Variants in SH3D19 observed in about 807,000 individuals in gnomAD.
The protein encoded by SH3D19 is SH3 domain containing 19, also known as SH3 domain-containing protein 19.
A neutral mutation model predicts 112.1 loss-of-function variants in SH3D19; 58 were observed. That is an observed-to-expected ratio of 0.52 (90% CI 0.42 to 0.64). SH3D19 has a LOEUF of 0.64. Among genes scored for constraint, SH3D19 ranks in the 30% least tolerant of loss-of-function variants. The pLI, the probability that SH3D19 is intolerant of heterozygous loss-of-function variation, is 0.00. For synonymous variants in SH3D19, 391 were observed against 448.5 expected (o/e 0.87, Z 1.62); for missense variants, 1,090 against 1,263.4 (o/e 0.86, Z 2.08).
At chr4:151,223,373 T>C (rs756272027) in intron 2 of SH3D19, among the ~76,000 whole-genome samples, 14 of 152,212 alleles carry the variant, frequency 9.2e-5, no homozygotes, top group Non-Finnish European at 1.8e-4. Flanking sequence ...TCATTTTTTT[T>C]GGATACTCAA....
intron 1 of SH3D19, among the ~76,000 whole-genome samples, chr4:151,319,269 C>T (rs1330535722): frequency 2.0e-5 from 3 of 152,132 alleles, no homozygotes; most frequent in East Asian, 1.9e-4. Context: ...AGGCTGGTCT[C>T]GAACTCCTGA....
intron 2 of SH3D19, among the ~76,000 whole-genome samples, chr4:151,208,260 C>T (rs1765390164): frequency 6.6e-6 from 1 of 152,208 alleles, no homozygotes; most frequent in Non-Finnish European, 1.5e-5. Context: ...CAGCTTCACT[C>T]CATGGGTGAG....
chr4:151,157,270 A>G (rs565221243), intron 9 of SH3D19, among the ~76,000 whole-genome samples: 35 of 151,566 alleles, frequency 2.3e-4, no homozygotes, highest in Non-Finnish European at 4.6e-4. Context: ...AAAAAAAAAA[A>G]ACGGCAAATG....
At chr4:151,168,623 A>T (rs891699626) in intron 7 of SH3D19, among the ~76,000 whole-genome samples, 8 of 151,750 alleles carry the variant, frequency 5.3e-5, no homozygotes, top group African/African-American at 1.9e-4. Flanking sequence ...TGTAGAGATG[A>T]GGTTTCACTG....
chr4:151,325,083 G>A (rs1343867653), intron 1 of SH3D19, among the ~76,000 whole-genome samples, 158 bp downstream of exon 1: 5 of 152,218 alleles, frequency 3.3e-5, no homozygotes, highest in African/African-American at 7.2e-5. Flanking sequence ...TGAGGATGGC[G>A]ATGGAAATGC....
At chr4:151,142,308 C>T (rs909290665) in intron 12 of SH3D19, among the ~76,000 whole-genome samples, 2 of 152,132 alleles carry the variant, frequency 1.3e-5, no homozygotes, top group African/African-American at 4.8e-5. Context: ...AATTATCCAA[C>T]CATCACCATA....
At chr4:151,144,210 T>C (rs1033563974) in intron 11 of SH3D19, 160 bp from the exon 12 acceptor site, 21 of 1,611,084 alleles carry the variant, frequency 1.3e-5, no homozygotes, top group African/African-American at 5.3e-5. Flanking sequence ...AGGAAAGAGC[T>C]CTACTTTACC....
chr4:151,244,294 A>C (rs1770774531), intron 1 of SH3D19, among the ~76,000 whole-genome samples: 1 of 152,186 alleles, frequency 6.6e-6, no homozygotes, highest in Non-Finnish European at 1.5e-5. Context: ...TGGTTCAAAG[A>C]TATCTTAGTA....
chr4:151,139,309 C>A (rs906819746), intron 13 of SH3D19, among the ~76,000 whole-genome samples: 1 of 151,980 alleles, frequency 6.6e-6, no homozygotes. Context: ...CCCGCCACTA[C>A]GCCCGGCTAA....
intron 17 of SH3D19, among the ~76,000 whole-genome samples, chr4:151,129,674 C>T (rs1055075342): frequency 5.3e-5 from 8 of 152,112 alleles, no homozygotes; most frequent in Non-Finnish European, 1.2e-4. Flanking sequence ...CTGGCCGGGA[C>T]AAAGGCTTTG....
intron 2 of SH3D19, among the ~76,000 whole-genome samples, chr4:151,209,057 T>C (rs1374340480): frequency 6.6e-6 from 1 of 152,076 alleles, no homozygotes; most frequent in African/African-American, 2.4e-5. Flanking sequence ...TAAATAATTA[T>C]AATAACCCCA....
At chr4:151,313,269 A>T (rs1729657175) in intron 1 of SH3D19, among the ~76,000 whole-genome samples, 1 of 152,178 alleles carries the variant, frequency 6.6e-6, no homozygotes, top group Admixed American at 6.5e-5. Context: ...TGAATACCTC[A>T]TGAAACTTTC....
intron 1 of SH3D19, among the ~76,000 whole-genome samples, chr4:151,286,789 A>G (rs1774833597): frequency 1.3e-5 from 2 of 151,692 alleles, no homozygotes; most frequent in African/African-American, 2.4e-5. Context: ...AGACGAGCCT[A>G]GCAAATGTGG....
At chr4:151,288,133 C>T (rs937469341) in intron 1 of SH3D19, among the ~76,000 whole-genome samples, 5 of 151,610 alleles carry the variant, frequency 3.3e-5, no homozygotes, top group Admixed American at 3.3e-4. Flanking sequence ...TTTTTCAACT[C>T]GATCAAGTGC....
chr4:151,139,252 C>T (rs1196533783), intron 13 of SH3D19, among the ~76,000 whole-genome samples: 1 of 152,030 alleles, frequency 6.6e-6, no homozygotes, highest in Non-Finnish European at 1.5e-5. Context: ...CTCGCGGGTT[C>T]ACGCCATTCT....
intron 3 of SH3D19, among the ~76,000 whole-genome samples, chr4:151,184,520 G>A (rs999762498): frequency 2.0e-5 from 3 of 152,114 alleles, no homozygotes; most frequent in Non-Finnish European, 4.4e-5. Flanking sequence ...AAAGACAACT[G>A]AGTTAAAAAC....
intron 3 of SH3D19, among the ~76,000 whole-genome samples, chr4:151,184,389 A>C (rs908762697): frequency 1.3e-5 from 2 of 152,202 alleles, no homozygotes; most frequent in Non-Finnish European, 2.9e-5. Flanking sequence ...AGGGAATGGC[A>C]CAATTGTTAC....
chr4:151,316,518 C>T (rs761191785), intron 1 of SH3D19, among the ~76,000 whole-genome samples: 1 of 152,018 alleles, frequency 6.6e-6, no homozygotes, highest in African/African-American at 2.4e-5. Context: ...TATGGGAGCT[C>T]TTTGTACTAT....
chr4:151,245,954 T>A (rs1770914620), intron 1 of SH3D19, among the ~76,000 whole-genome samples: 1 of 151,410 alleles, frequency 6.6e-6, no homozygotes, highest in Admixed American at 6.6e-5. Context: ...TCCCAAAGAG[T>A]TTAAAGATTG....
Sources: allele counts gnomAD v4.1 joint callset (sites outside exome capture counted in the v4.1 genomes callset), GRCh38; gene constraint gnomAD v4.1.1; transcripts MANE v1.5; gene names NCBI Gene and HGNC (gene_info 2026-07-23, HGNC 2026-07-21).